GSE1: variants seen among roughly 807,000 people sequenced by gnomAD.
GSE1 encodes Gse1 coiled-coil protein, also known as genetic suppressor element 1.
In GSE1, 32 loss-of-function variants were observed where a neutral mutation model predicts 112.6. The observed-to-expected ratio is 0.28, with a 90% CI of 0.21 to 0.38. The LOEUF (loss-of-function observed/expected upper bound fraction) is 0.38, where lower values mean the gene tolerates loss of function less well. GSE1 is among the 10% of genes least tolerant of loss of function. The pLI, the probability that GSE1 is intolerant of heterozygous loss-of-function variation, is 1.00. For synonymous variants in GSE1, 1,115 were observed against 735.6 expected (o/e 1.52, Z -8.35); for missense variants, 2,348 against 1,699.2 (o/e 1.38, Z -6.71).
At chr16:85,658,053 A>G (rs1401302557) in intron 8 of GSE1, among the ~76,000 whole-genome samples, 1 of 152,178 alleles carries the variant, frequency 6.6e-6, no homozygotes, top group Non-Finnish European at 1.5e-5. Context: ...TTGCTTTTGT[A>G]TTAATAGTAA....
intron 2 of GSE1, among the ~76,000 whole-genome samples, chr16:85,464,622 G>A (rs938959458): frequency 2.0e-5 from 3 of 152,214 alleles, no homozygotes; most frequent in Non-Finnish European, 4.4e-5. Flanking sequence ...TACTCACGAA[G>A]CCTCGGGAAT....
At chr16:85,479,416 G>A (rs981885927) in intron 2 of GSE1, among the ~76,000 whole-genome samples, 114 of 151,728 alleles carry the variant, frequency 7.5e-4, no homozygotes, top group African/African-American at 2.7e-3. Context: ...TGATCTGCAC[G>A]TCTCAGCCTC....
At chr16:85,623,380 C>T (rs932776481) in intron 1 of GSE1, among the ~76,000 whole-genome samples, 10 of 152,146 alleles carry the variant, frequency 6.6e-5, no homozygotes, top group African/African-American at 2.4e-4. Flanking sequence ...TTCACTGACC[C>T]TCTTGTCCAA....
chr16:85,632,731 C>T (rs922332495), intron 1 of GSE1, among the ~76,000 whole-genome samples: 1 of 152,182 alleles, frequency 6.6e-6, no homozygotes, highest in Non-Finnish European at 1.5e-5. Context: ...GTGTGTTGCC[C>T]CCCGGATCTC....
intron 2 of GSE1, among the ~76,000 whole-genome samples, chr16:85,420,008 A>G (rs765537377): frequency 6.6e-6 from 1 of 152,222 alleles, no homozygotes; most frequent in Non-Finnish European, 1.5e-5. Flanking sequence ...TGAGCTTGAC[A>G]TCGGGGCCAG....
chr16:85,342,207 C>T (rs1330706439), intron 1 of GSE1, among the ~76,000 whole-genome samples: 1 of 152,220 alleles, frequency 6.6e-6, no homozygotes, highest in African/African-American at 2.4e-5. Context: ...CCTGCCCTGG[C>T]GTTAACTCAC....
At chr16:85,297,083 G>A (rs1480423940) in intron 1 of GSE1, among the ~76,000 whole-genome samples, 1 of 152,234 alleles carries the variant, frequency 6.6e-6, no homozygotes, top group African/African-American at 2.4e-5. Context: ...GATTGAGTGG[G>A]GAGGTTGGGG....
intron 2 of GSE1, among the ~76,000 whole-genome samples, chr16:85,532,328 A>C (rs2044164355): frequency 6.6e-6 from 1 of 152,176 alleles, no homozygotes; most frequent in African/African-American, 2.4e-5. Flanking sequence ...TGGTACAATC[A>C]TGGCTCACTG....
chr16:85,226,283 T>A (rs59458341), intron 1 of GSE1, among the ~76,000 whole-genome samples: 34,723 of 152,152 alleles, frequency 0.23, 4,387 homozygotes, highest in Non-Finnish European at 0.28. Context: ...CTTTTTAGGG[T>A]TACATTTCTA....
At chr16:85,286,782 A>C (rs2045040869) in intron 1 of GSE1, among the ~76,000 whole-genome samples, 1 of 152,090 alleles carries the variant, frequency 6.6e-6, no homozygotes, top group East Asian at 1.9e-4. Flanking sequence ...GGAAGTTTAA[A>C]GTCAGACGAG....
At chr16:85,227,699 G>A (rs1753568711) in intron 1 of GSE1, among the ~76,000 whole-genome samples, 1 of 152,176 alleles carries the variant, frequency 6.6e-6, no homozygotes. Flanking sequence ...GAAGTGGGAG[G>A]GGAGATTCAT....
At chr16:85,629,951 A>T (rs183041235) in intron 1 of GSE1, among the ~76,000 whole-genome samples, 8 of 152,236 alleles carry the variant, frequency 5.3e-5, no homozygotes, top group Admixed American at 2.6e-4. Flanking sequence ...TGGGCCAGGG[A>T]TTGGAGGATG....
rs187802406 is a variant in GSE1 at position 85,429,310 on chromosome 16, G to A, written c.2464+71667G>A. 2.7e-3 allele frequency among the ~76,000 whole-genome samples: 409 copies of A among 152,332 alleles called. 3 individuals carry two copies. Among genetic ancestry groups the A allele is most frequent in the African/African-American group, 9.3e-3 (387 of 41,576 alleles). ...ATGCATCACTGGCATGTTCTGCCAC[G>A]GGCATGTGCATGGAGGAGCTCCCCG... On this transcript the variant is annotated intron_variant, in intron 2 of 2. Coordinates refer to the GSE1 transcript ENST00000637419.
At chr16:85,375,582 G>A (rs1482869384) in intron 2 of GSE1, among the ~76,000 whole-genome samples, 3 of 152,180 alleles carry the variant, frequency 2.0e-5, no homozygotes, top group African/African-American at 7.2e-5. Flanking sequence ...TAAGCGGTGG[G>A]TTTGCTGGTG....
chr16:85,651,310 A>G (rs962981060), intron 3 of GSE1, among the ~76,000 whole-genome samples: 9 of 151,460 alleles, frequency 5.9e-5, no homozygotes, highest in African/African-American at 2.2e-4. Flanking sequence ...CCTAGTTCCC[A>G]GGTGTCTGTG....
intron 2 of GSE1, among the ~76,000 whole-genome samples, chr16:85,364,726 C>T (rs1386728127): frequency 6.6e-6 from 1 of 152,204 alleles, no homozygotes; most frequent in African/African-American, 2.4e-5. Flanking sequence ...CCATGCCGTT[C>T]CTGCCCACTT....
intron 1 of GSE1, among the ~76,000 whole-genome samples, chr16:85,578,169 C>T (rs2046306158): frequency 6.6e-6 from 1 of 152,260 alleles, no homozygotes; most frequent in Admixed American, 6.5e-5. Context: ...CCCAGGACCC[C>T]CTGAGCCGCC....
chr16:85,483,879 G>T (rs1048456153), intron 2 of GSE1, among the ~76,000 whole-genome samples: 3 of 152,252 alleles, frequency 2.0e-5, no homozygotes, highest in African/African-American at 4.8e-5. Context: ...CCTGCCAGCA[G>T]GCCTCTGGGC....
chr16:85,422,742 G>A (rs376302557), intron 2 of GSE1, among the ~76,000 whole-genome samples: 1 of 152,228 alleles, frequency 6.6e-6, no homozygotes, highest in East Asian at 1.9e-4. Flanking sequence ...TTGGGAGGCC[G>A]GAGCCAGGGA....
Sources: allele counts gnomAD v4.1 joint callset (sites outside exome capture counted in the v4.1 genomes callset), GRCh38; gene constraint gnomAD v4.1.1; transcripts MANE v1.5; gene names NCBI Gene and HGNC (gene_info 2026-07-23, HGNC 2026-07-21).